The following GSAP variants were observed in gnomAD, a reference collection of about 807,000 sequenced individuals.
GSAP encodes the protein gamma-secretase-activating protein.
A neutral mutation model predicts 131.7 loss-of-function variants in GSAP; 118 were observed. The observed-to-expected ratio is 0.90, with a 90% CI of 0.77 to 1.04. GSAP has a LOEUF of 1.04. Ranked by LOEUF, GSAP falls within the 50% of genes least tolerant of loss-of-function variation. The pLI, the probability that GSAP is intolerant of heterozygous loss-of-function variation, is 0.00. For synonymous variants in GSAP, 381 were observed against 363.4 expected, an observed-to-expected ratio of 1.05 and a Z score of -0.55; for missense variants, 1,019 against 1,013.2, an observed-to-expected ratio of 1.01 and a Z score of -0.08.
Position 77,323,762 on chromosome 7 carries a change from T to G in GSAP, c.1828-20A>C, listed in dbSNP as rs777330098. 3 of 1,243,520 alleles carry G rather than the reference T, an allele frequency of 2.4e-6. No individual in the cohort carries two copies. Among genetic ancestry groups the G allele is most frequent in the South Asian group, 1.2e-5 (1 of 80,440 alleles). The allele number at this position is 1,243,520 out of a possible 1,614,324, so 77.0% of individuals were successfully genotyped here. ...CACCATCTGAAAACAGGATATGCATTAAATAAGTCACAGCCTACCCACTCA... is the reference window on the plus strand; with the variant it reads ...CACCATCTGAAAACAGGATATGCATGAAATAAGTCACAGCCTACCCACTCA... On this transcript the variant is annotated intron_variant, in intron 23 of 30. Transcript: ENST00000257626.
At chr7:77,367,269 G>A (rs1323633740) in intron 12 of GSAP, among the ~76,000 whole-genome samples, 1 of 152,166 alleles carries the variant, frequency 6.6e-6, no homozygotes, top group Non-Finnish European at 1.5e-5. Flanking sequence ...GGTGAGAGAG[G>A]ACATCCTTGT....
intron 1 of GSAP, among the ~76,000 whole-genome samples, chr7:77,410,235 T>C (rs1320728592): frequency 6.6e-6 from 1 of 152,152 alleles, no homozygotes; most frequent in Non-Finnish European, 1.5e-5. Flanking sequence ...TACCCTGCAG[T>C]TAAGTACACA....
chr7:77,377,239 A>T (rs1195014417), intron 9 of GSAP, 47 bp downstream of exon 9: 7 of 812,032 alleles, frequency 8.6e-6, no homozygotes, highest in African/African-American at 8.2e-5. Flanking sequence ...TATTTTTGTA[A>T]AAAAAAAAAA....
At chr7:77,401,566 C>T (rs750521388) in intron 3 of GSAP, among the ~76,000 whole-genome samples, 3 of 151,888 alleles carry the variant, frequency 2.0e-5, no homozygotes, top group Admixed American at 1.3e-4. Context: ...AATTTGTCAT[C>T]GGCATAGCTA....
intron 24 of GSAP, among the ~76,000 whole-genome samples, chr7:77,322,482 C>T (rs983407828): frequency 1.3e-5 from 2 of 151,630 alleles, no homozygotes; most frequent in African/African-American, 4.9e-5. Flanking sequence ...AGAAAAATGA[C>T]GCTTGAATGG....
Position 77,381,355 on chromosome 7 carries a change from C to A in GSAP, c.527-1G>T, listed in dbSNP as rs756823920. 6.7e-7 allele frequency: 1 copy of A among 1,484,038 alleles called. No homozygotes were observed. The highest frequency in any genetic ancestry group is 1.2e-5 in the South Asian group (1 of 81,394). 91.9% of individuals were successfully genotyped at this position (1,484,038 alleles called of 1,614,324 possible). A position where few individuals can be genotyped will look rare whatever the true frequency, so the allele number is the denominator to read the frequency against. ...ACATGGATACGAAATTGTTCAATAT[C>A]TTTAAAAGAAAAACAAAGAAAGATA... On this transcript the variant is annotated splice_acceptor_variant, in intron 7 of 30. Coordinates refer to ENST00000257626, the MANE Select transcript of GSAP (RefSeq NM_017439.4). LOFTEE classifies it high-confidence loss of function.
At chr7:77,335,040 G>A (rs1165172101) in intron 19 of GSAP, among the ~76,000 whole-genome samples, 2 of 151,478 alleles carry the variant, frequency 1.3e-5, no homozygotes, top group African/African-American at 4.9e-5. Context: ...CTGAGATCGC[G>A]CCACTGCACT....
chr7:77,371,435 T>TC (rs796344482), intron 12 of GSAP, among the ~76,000 whole-genome samples: 22 of 24,302 alleles, frequency 9.1e-4, no homozygotes, highest in African/African-American at 1.9e-3. Flanking sequence ...TTTTTTCTTT[T>TC]TTTTTTTTTT....
chr7:77,415,988 C>G (rs1242883918), intron 1 of GSAP: 1 of 420,012 alleles, frequency 2.4e-6, no homozygotes, highest in Non-Finnish European at 4.2e-6. Context: ...CCAGGCGCCT[C>G]AGGCCCCACG....
chr7:77,391,508 G>A (rs1213991781), intron 5 of GSAP, among the ~76,000 whole-genome samples: 1 of 152,056 alleles, frequency 6.6e-6, no homozygotes, highest in Non-Finnish European at 1.5e-5. Context: ...AGCTTTCCTA[G>A]GCCTCAATGC....
chr7:77,371,734 G>GCCCAATCCATCCT (rs1271502228), intron 12 of GSAP, among the ~76,000 whole-genome samples: 1 of 152,120 alleles, frequency 6.6e-6, no homozygotes, highest in Non-Finnish European at 1.5e-5. Context: ...ACCGTACCCG[G>GCCCAATCCATCCT]CCCAATCCAT....
At chr7:77,367,254 G>A (rs141817943) in intron 12 of GSAP, among the ~76,000 whole-genome samples, 8 of 152,310 alleles carry the variant, frequency 5.3e-5, no homozygotes, top group African/African-American at 1.9e-4. Context: ...ATGTTGGATA[G>A]GAGTGGTGAG....
rs578187430 is a variant in GSAP at position 77,367,157 on chromosome 7, C to T, written c.872-4497G>A. On this transcript the variant is annotated intron_variant, in intron 12 of 30. Transcript: ENST00000257626. ...TATGGGGTTTTCTACAGAATCATGC[C>T]GTATGCAAACAGGGATAGCCTGACT... Among the ~76,000 whole-genome samples the T allele has an allele frequency of 3.9e-5, 6 of 152,238 alleles. No homozygotes were observed. The East Asian group carries it at 7.7e-4, about 20-fold the overall frequency.
intron 1 of GSAP, chr7:77,415,736 T>C (rs1408253522): frequency 6.5e-6 from 1 of 153,408 alleles, no homozygotes; most frequent in Non-Finnish European, 1.5e-5. Context: ...GGGGACAAAC[T>C]GTTCCACCGT....
In GSAP at chr7:77,397,016, A is replaced by C; in HGVS notation, c.333T>G (p.Ser111=). The C allele has an allele frequency of 6.2e-7, 1 of 1,600,128 alleles. No individual in the cohort carries two copies. Among genetic ancestry groups the C allele is most frequent in the Non-Finnish European group, 8.5e-7 (1 of 1,170,164 alleles). ...GTTCGTTCCTTTTTCCTTCTTTAGTAGACTGAACTAAACTTGCAGCTAATG... is the reference window on the plus strand; with the variant it reads ...GTTCGTTCCTTTTTCCTTCTTTAGTCGACTGAACTAAACTTGCAGCTAATG... ...RTLLAASLVQ[S]TKEGKRNELQ... Residue 111 remains serine, a synonymous_variant, in exon 5 of 31, where the codon TCT becomes TCG. Transcript: ENST00000257626.
intron 19 of GSAP, chr7:77,331,778 G>T (rs982347413): frequency 1.3e-5 from 2 of 150,900 alleles, no homozygotes; most frequent in African/African-American, 2.4e-5. Flanking sequence ...GGGAAAACAG[G>T]AATCAAATCC....
At chr7:77,403,159 T>C (rs1801665861) in intron 3 of GSAP, among the ~76,000 whole-genome samples, 1 of 152,212 alleles carries the variant, frequency 6.6e-6, no homozygotes, top group South Asian at 2.1e-4. Context: ...TTAGAATACA[T>C]GCCACACAGA....
intron 23 of GSAP, among the ~76,000 whole-genome samples, chr7:77,325,005 G>T (rs531112327): frequency 1.3e-5 from 2 of 151,666 alleles, no homozygotes; most frequent in African/African-American, 4.8e-5. Context: ...TAGTAGAGAC[G>T]GTGTTTCACC....
Position 77,313,539 on chromosome 7 carries a change from A to G in GSAP, c.2220T>C (p.Asn740=), listed in dbSNP as rs544189201. ...AVIRLMKDLD[N]TEKNEKLKFS... ...ATTTCAGTTTTTCATTTTTCTCTGTATTATCCAGATCTACAAGAAAGTTAG... is the reference window on the plus strand; with the variant it reads ...ATTTCAGTTTTTCATTTTTCTCTGTGTTATCCAGATCTACAAGAAAGTTAG... Residue 740 remains asparagine (N), a synonymous_variant, in exon 28 of 31, where the codon AAT becomes AAC. Coordinates refer to ENST00000257626, the MANE Select transcript of GSAP (RefSeq NM_017439.4). 3 of 1,519,862 alleles carry G rather than the reference A, an allele frequency of 2.0e-6. No individual in the cohort carries two copies. Among genetic ancestry groups the G allele is most frequent in the Admixed American group, 3.4e-5 (2 of 59,240 alleles). The allele number at this position is 1,519,862 out of a possible 1,614,324, so 94.1% of individuals were successfully genotyped here. A position where few individuals can be genotyped will look rare whatever the true frequency, so the allele number is the denominator to read the frequency against.
Sources: gnomAD v4.1 joint callset for allele counts (sites outside exome capture counted in the v4.1 genomes callset) on GRCh38, gnomAD v4.1.1 for gene constraint, MANE v1.5 for transcripts, NCBI Gene and HGNC (gene_info 2026-07-23, HGNC 2026-07-21) for gene names.